Variants in DAB1 observed in about 807,000 individuals in gnomAD.
DAB1 encodes disabled homolog 1.
A neutral mutation model predicts 64.6 loss-of-function variants in DAB1; 15 were observed. That is an observed-to-expected ratio of 0.23 (90% CI 0.16 to 0.36). The LOEUF (loss-of-function observed/expected upper bound fraction) is 0.36. Among genes scored for constraint, DAB1 ranks in the 10% least tolerant of loss-of-function variants. The pLI is 1.00. For synonymous variants in DAB1, 235 were observed against 251.9 expected (o/e 0.93, Z 0.64); for missense variants, 596 against 706.7 (o/e 0.84, Z 1.78).
intron 6 of DAB1, among the ~76,000 whole-genome samples, chr1:57,795,690 G>GATATGT (rs1553129770): frequency 1.4e-5 from 1 of 69,092 alleles, no homozygotes; most frequent in African/African-American, 5.6e-5. Flanking sequence ...TATGCTTGGA[G>GATATGT]ATATATATAT....
chr1:58,128,950 A>G (rs1455405101), intron 5 of DAB1, among the ~76,000 whole-genome samples: 3 of 144,424 alleles, frequency 2.1e-5, no homozygotes, highest in Non-Finnish European at 4.5e-5. Flanking sequence ...CGGCTTTGGT[A>G]TCAGAATGAT....
chr1:58,244,573 G>A (rs1360356316), intron 4 of DAB1, among the ~76,000 whole-genome samples: 1 of 152,170 alleles, frequency 6.6e-6, no homozygotes, highest in Non-Finnish European at 1.5e-5. Context: ...TATCAATTTA[G>A]AAGAAGCACA....
At chr1:58,184,857 T>C (rs1320346340) in intron 4 of DAB1, among the ~76,000 whole-genome samples, 1 of 152,210 alleles carries the variant, frequency 6.6e-6, no homozygotes, top group Non-Finnish European at 1.5e-5. Context: ...TTTGCCACTC[T>C]GAAGGATACA....
intron 2 of DAB1, among the ~76,000 whole-genome samples, chr1:57,158,351 G>A (rs757339145): frequency 6.6e-6 from 1 of 152,140 alleles, no homozygotes; most frequent in Non-Finnish European, 1.5e-5. Context: ...GTGCAATTAA[G>A]AACAGGATGT....
chr1:57,349,290 A>G (rs1678382253), intron 1 of DAB1, among the ~76,000 whole-genome samples: 1 of 152,156 alleles, frequency 6.6e-6, no homozygotes, highest in Non-Finnish European at 1.5e-5. Context: ...GTGATTTCTA[A>G]GCACTTCTCT....
chr1:57,759,813 C>G (rs3131740), intron 6 of DAB1, among the ~76,000 whole-genome samples: 91,573 of 151,838 alleles, frequency 0.6, 27,889 homozygotes, highest in African/African-American at 0.68. Flanking sequence ...GAAGGAGGTG[C>G]AACAAAATGG....
intron 4 of DAB1, among the ~76,000 whole-genome samples, chr1:58,213,840 C>T (rs902091052): frequency 6.6e-6 from 1 of 152,172 alleles, no homozygotes; most frequent in Non-Finnish European, 1.5e-5. Context: ...GATGACTTCA[C>T]CTCCTACTTG....
intron 4 of DAB1, among the ~76,000 whole-genome samples, chr1:58,275,165 T>C (rs1661412223): frequency 6.6e-6 from 1 of 152,214 alleles, no homozygotes; most frequent in African/African-American, 2.4e-5. Context: ...TGTGATACTC[T>C]ATGTAAAAAT....
intron 1 of DAB1, among the ~76,000 whole-genome samples, chr1:57,315,258 A>G (rs558564323): frequency 1.3e-5 from 2 of 152,306 alleles, no homozygotes; most frequent in South Asian, 4.1e-4. Flanking sequence ...ATTTCAAACT[A>G]TTTATTATAT....
chr1:58,129,527 C>G lies in DAB1; in HGVS notation n.387+20984G>C, dbSNP rs376571557. Among the ~76,000 whole-genome samples, 728 of 128,764 alleles carry G rather than the reference C, an allele frequency of 5.7e-3. 42 individuals carry two copies. In the East Asian group the frequency reaches 0.11, roughly 20 times the overall value. The allele number at this position is 128,764 out of a possible 152,430, so 84.5% of individuals were successfully genotyped here. On this transcript the variant is annotated intron_variant and non_coding_transcript_variant, in intron 5 of 20. Coordinates refer to the DAB1 transcript ENST00000485760. ...TTTGAATGTGTTTGCTCTTGCTTTT[C>G]TAGTTCTTTTAATTGTGATGTTACG...
intron 4 of DAB1, among the ~76,000 whole-genome samples, chr1:58,162,355 C>G (rs1286039290): frequency 1.3e-5 from 2 of 152,048 alleles, no homozygotes; most frequent in East Asian, 3.9e-4. Flanking sequence ...TTTCTCTATT[C>G]TTTTTTTCCT....
chr1:57,108,318 C>T (rs188065052), intron 4 of DAB1, among the ~76,000 whole-genome samples: 39 of 152,190 alleles, frequency 2.6e-4, no homozygotes, highest in African/African-American at 8.7e-4. Context: ...ATCCCAGAAA[C>T]GTTTCATTAC....
chr1:57,294,681 T>C (rs2100677602), intron 1 of DAB1, among the ~76,000 whole-genome samples: 1 of 152,262 alleles, frequency 6.6e-6, no homozygotes. Flanking sequence ...TCAACTATTT[T>C]AAGAATCCAA....
chr1:57,331,769 T>C (rs1160591966), intron 1 of DAB1, among the ~76,000 whole-genome samples: 3 of 152,206 alleles, frequency 2.0e-5, no homozygotes, highest in Non-Finnish European at 4.4e-5. Flanking sequence ...TTCTTTTGTC[T>C]CTTGCACTTC....
In DAB1 at chr1:58,304,057, G is replaced by T. The variant is rs149768116; in HGVS notation, n.309+39295C>A. On this transcript the variant is annotated intron_variant and non_coding_transcript_variant, in intron 4 of 20. Coordinates refer to the DAB1 transcript ENST00000485760. ...AGCCTTGCAAATAGACTTGCCCAGG[G>T]TGAGTAGCAATGCATTCTGGATAAG... Among the ~76,000 whole-genome samples the T allele has an allele frequency of 5.5e-3, 841 of 152,170 alleles. 12 individuals carry two copies. Among genetic ancestry groups the T allele is most frequent in the African/African-American group, 0.019 (805 of 41,512 alleles).
chr1:57,598,400 C>A (rs1046681563), intron 7 of DAB1, among the ~76,000 whole-genome samples: 1 of 152,254 alleles, frequency 6.6e-6, no homozygotes, highest in Non-Finnish European at 1.5e-5. Context: ...TTTCTCTGAG[C>A]CTCAGTTTCC....
At chr1:58,441,445 C>T (rs1221986270) in intron 3 of DAB1, among the ~76,000 whole-genome samples, 1 of 152,186 alleles carries the variant, frequency 6.6e-6, no homozygotes, top group Non-Finnish European at 1.5e-5. Flanking sequence ...TCTTATTCTA[C>T]CTCTAGAGAT....
At chr1:57,505,726 A>G (rs972040856) in intron 7 of DAB1, among the ~76,000 whole-genome samples, 2 of 152,134 alleles carry the variant, frequency 1.3e-5, no homozygotes, top group Non-Finnish European at 2.9e-5. Flanking sequence ...GCTGGAGTGC[A>G]GTGGCTCAAT....
At chr1:58,224,666 C>A (rs946568750) in intron 4 of DAB1, among the ~76,000 whole-genome samples, 6 of 152,004 alleles carry the variant, frequency 3.9e-5, no homozygotes, top group African/African-American at 1.2e-4. Context: ...AAAAAGGGGG[C>A]AAGACATGAT....
Sources: gnomAD v4.1 joint callset for allele counts (sites outside exome capture counted in the v4.1 genomes callset) on GRCh38, gnomAD v4.1.1 for gene constraint, MANE v1.5 for transcripts, NCBI Gene and HGNC (gene_info 2026-07-23, HGNC 2026-07-21) for gene names.